The following PKNOX2 variants were observed in gnomAD, a reference collection of about 807,000 sequenced individuals.
The protein encoded by PKNOX2 is homeobox protein PKNOX2.
A neutral mutation model predicts 53.1 loss-of-function variants in PKNOX2; 14 were observed. The ratio of observed to expected loss-of-function variants is 0.26; its 90% CI spans 0.17 to 0.41. The LOEUF (loss-of-function observed/expected upper bound fraction) is 0.41. Ranked by LOEUF, PKNOX2 falls within the 10% of genes least tolerant of loss-of-function variation. The pLI is 1.00. For synonymous variants in PKNOX2, 257 were observed against 242.8 expected, an observed-to-expected ratio of 1.06 and a Z score of -0.54; for missense variants, 496 against 602.8, an observed-to-expected ratio of 0.82 and a Z score of 1.85.
chr11:125,229,756 C>T (rs978309170), intron 1 of PKNOX2, among the ~76,000 whole-genome samples: 1 of 152,080 alleles, frequency 6.6e-6, no homozygotes, highest in African/African-American at 2.4e-5. Context: ...TTTAGCACTA[C>T]AGAGGATGTC....
At chr11:125,291,343 C>G (rs1187025055) in intron 2 of PKNOX2, among the ~76,000 whole-genome samples, 1 of 152,128 alleles carries the variant, frequency 6.6e-6, no homozygotes, top group Non-Finnish European at 1.5e-5. Flanking sequence ...TAATACTCCT[C>G]AGCTTGGACT....
chr11:125,327,875 A>G (rs77750224), intron 2 of PKNOX2, among the ~76,000 whole-genome samples: 11,528 of 152,248 alleles, frequency 0.076, 1,368 homozygotes, highest in African/African-American at 0.25. Flanking sequence ...GCCCTGTGTG[A>G]GGGCATGCTG....
intron 1 of PKNOX2, among the ~76,000 whole-genome samples, chr11:125,222,600 T>C (rs1266744582): frequency 7.2e-6 from 1 of 139,102 alleles, no homozygotes; most frequent in Non-Finnish European, 1.6e-5. Flanking sequence ...TGTGTGTGTG[T>C]GTGTCTGTGT....
chr11:125,424,306 A>G (rs575941267), intron 10 of PKNOX2, among the ~76,000 whole-genome samples: 1 of 152,150 alleles, frequency 6.6e-6, no homozygotes, highest in Non-Finnish European at 1.5e-5. Context: ...ACAGAAAGAG[A>G]AGTTTCTCGG....
chr11:125,299,730 C>T (rs1947901716), intron 2 of PKNOX2, among the ~76,000 whole-genome samples: 1 of 152,170 alleles, frequency 6.6e-6, no homozygotes, highest in African/African-American at 2.4e-5. Flanking sequence ...TGGGGTCCTC[C>T]TTCTTACCCG....
intron 1 of PKNOX2, among the ~76,000 whole-genome samples, chr11:125,169,915 T>A (rs1955153435): frequency 6.6e-6 from 1 of 152,242 alleles, no homozygotes; most frequent in Non-Finnish European, 1.5e-5. Flanking sequence ...CAATTTTGGC[T>A]GAGTTGGGGG....
intron 1 of PKNOX2, among the ~76,000 whole-genome samples, chr11:125,192,486 G>T (rs1365542550): frequency 6.6e-6 from 1 of 152,184 alleles, no homozygotes; most frequent in Non-Finnish European, 1.5e-5. Context: ...TTAACCTGAC[G>T]CTGGGGGAGC....
intron 1 of PKNOX2, among the ~76,000 whole-genome samples, chr11:125,178,751 A>T (rs936946513): frequency 1.3e-5 from 2 of 151,902 alleles, no homozygotes; most frequent in Middle Eastern, 3.2e-3. Context: ...GAAGAAAGAG[A>T]GAGGAAGAAA....
chr11:125,189,431 GT>G (rs1956682799), intron 1 of PKNOX2, among the ~76,000 whole-genome samples: 1 of 83,664 alleles, frequency 1.2e-5, no homozygotes, highest in South Asian at 4.3e-4. Flanking sequence ...GTGTGTGTGT[GT>G]GTGTGTGTGT....
chr11:125,411,020 T>C (rs1458999851), intron 9 of PKNOX2, 144 bp downstream of exon 9: 1 of 688,620 alleles, frequency 1.5e-6, no homozygotes, highest in Non-Finnish European at 2.5e-6. Context: ...ACTTTACAGA[T>C]AAGAAGCTGG....
intron 5 of PKNOX2, among the ~76,000 whole-genome samples, chr11:125,376,475 C>G (rs1008486177): frequency 2.0e-5 from 3 of 152,170 alleles, no homozygotes; most frequent in African/African-American, 7.2e-5. Flanking sequence ...TCCCCTCCCT[C>G]TAAGACCTCA....
chr11:125,187,401 G>T (rs1378128202), intron 1 of PKNOX2, among the ~76,000 whole-genome samples: 1 of 151,884 alleles, frequency 6.6e-6, no homozygotes, highest in African/African-American at 2.4e-5. Flanking sequence ...GTAGTTTTCA[G>T]TATACAAGTC....
chr11:125,296,321 G>A (rs901611403), intron 2 of PKNOX2, among the ~76,000 whole-genome samples: 9 of 152,066 alleles, frequency 5.9e-5, no homozygotes, highest in African/African-American at 1.4e-4. Context: ...ATAGTCTGCC[G>A]GCTCTACCCA....
At chr11:125,178,865 G>A (rs1353763795) in intron 1 of PKNOX2, among the ~76,000 whole-genome samples, 2 of 152,010 alleles carry the variant, frequency 1.3e-5, no homozygotes, top group East Asian at 1.9e-4. Context: ...CCAGGAAAAC[G>A]TACCTCCTGA....
chr11:125,294,761 A>G (rs1186502188), intron 2 of PKNOX2, among the ~76,000 whole-genome samples: 1 of 152,248 alleles, frequency 6.6e-6, no homozygotes, highest in Non-Finnish European at 1.5e-5. Flanking sequence ...CAATACGAAC[A>G]GGTTAATATC....
At chr11:125,238,211 G>C (rs555536552) in intron 2 of PKNOX2, among the ~76,000 whole-genome samples, 6 of 152,204 alleles carry the variant, frequency 3.9e-5, no homozygotes, top group African/African-American at 1.4e-4. Context: ...CAACCAGCCC[G>C]TATCCCCAAA....
intron 2 of PKNOX2, among the ~76,000 whole-genome samples, chr11:125,313,572 G>A (rs965729214): frequency 2.0e-5 from 3 of 152,118 alleles, no homozygotes; most frequent in Admixed American, 6.5e-5. Context: ...TGAAGATAAA[G>A]CTCAAAGGAC....
chr11:125,406,790 G>A (rs930655764), intron 7 of PKNOX2, among the ~76,000 whole-genome samples: 1 of 152,030 alleles, frequency 6.6e-6, no homozygotes, highest in African/African-American at 2.4e-5. Context: ...AAATGGAACA[G>A]CGTGGTGAAA....
chr11:125,181,999 G>C (rs1237285745), intron 1 of PKNOX2, among the ~76,000 whole-genome samples: 2 of 152,222 alleles, frequency 1.3e-5, no homozygotes, highest in African/African-American at 4.8e-5. Flanking sequence ...TGTTGATTGT[G>C]TGACCTGGCT....
Sources: gnomAD v4.1 joint callset for allele counts (sites outside exome capture counted in the v4.1 genomes callset) on GRCh38, gnomAD v4.1.1 for gene constraint, MANE v1.5 for transcripts, NCBI Gene and HGNC (gene_info 2026-07-23, HGNC 2026-07-21) for gene names.